TRIO: variants seen among roughly 807,000 people sequenced by gnomAD.
TRIO encodes triple functional domain protein.
A neutral mutation model predicts 351.9 loss-of-function variants in TRIO; 58 were observed. That is an observed-to-expected ratio of 0.16 (90% CI 0.13 to 0.21). TRIO has a LOEUF of 0.21. Among genes scored for constraint, TRIO ranks in the 10% least tolerant of loss-of-function variants. The pLI, the probability that TRIO is intolerant of heterozygous loss-of-function variation, is 1.00. For missense variants in TRIO, 3,201 were observed against 4,027.8 expected, an observed-to-expected ratio of 0.79 and a Z score of 5.56; for synonymous variants, 1,758 against 1,595.7, an observed-to-expected ratio of 1.10 and a Z score of -2.42.
intron 1 of TRIO, among the ~76,000 whole-genome samples, chr5:14,154,340 G>T (rs373279746): frequency 2.8e-4 from 43 of 152,282 alleles, no homozygotes; most frequent in African/African-American, 9.6e-4. Context: ...AACGGGGCCG[G>T]GGAGTGAGAG....
At chr5:14,454,713 G>A (rs1016465894) in intron 34 of TRIO, among the ~76,000 whole-genome samples, 2 of 152,236 alleles carry the variant, frequency 1.3e-5, no homozygotes, top group African/African-American at 4.8e-5. Flanking sequence ...CTAAGGTCAT[G>A]GTTGGCTTCC....
chr5:14,502,644 G>T lies in TRIO; in HGVS notation c.8398G>T (p.Ala2800Ser), dbSNP rs1757378858. 1.2e-6 allele frequency: 2 copies of T among 1,614,196 alleles called. No homozygotes were observed. Among genetic ancestry groups the T allele is most frequent in the East Asian group, 4.5e-5 (2 of 44,876 alleles). ...DNFDSFYSEV[A>S]ELGRGRFSVV... ...CTTTGACTCCTTCTACAGTGAAGTG[G>T]CTGAGCTTGGCAGGTATGATGCACA... The change falls in exon 54 of 57, where the codon GCT becomes TCT. Residue 2800 changes from alanine (A) to serine (S), a missense_variant. Physicochemically the swap from Ala to Ser is moderately conservative, Grantham distance 99. This residue lies in a region of TRIO where 1,089 missense variants were observed against 954.9 expected (regional missense o/e 1.14). Coordinates refer to ENST00000344204, the MANE Select transcript of TRIO (RefSeq NM_007118.4).
chr5:14,473,923 T>C, intron 39 of TRIO, 71 bp from the exon 40 acceptor site: 3 of 1,493,396 alleles, frequency 2.0e-6, no homozygotes. Flanking sequence ...TCTGTGACTA[T>C]TAATCAATAA....
intron 1 of TRIO, among the ~76,000 whole-genome samples, chr5:14,188,764 T>C (rs1235204814): frequency 6.6e-6 from 1 of 152,170 alleles, no homozygotes; most frequent in Non-Finnish European, 1.5e-5. Flanking sequence ...CCACTATAAT[T>C]CTTCATTAAT....
chr5:14,331,048 G>A, intron 10 of TRIO, 148 bp downstream of exon 10: 2 of 1,182,534 alleles, frequency 1.7e-6, no homozygotes, highest in South Asian at 1.7e-5. Flanking sequence ...TCAGAGTGAA[G>A]TTGTCATTGC....
Position 14,485,253 on chromosome 5 carries a change from T to C in TRIO, c.6835+7T>C. The C allele has an allele frequency of 6.4e-7, 1 of 1,573,468 alleles. No homozygotes were observed. Among genetic ancestry groups the C allele is most frequent in the Non-Finnish European group, 8.7e-7 (1 of 1,151,962 alleles). ...CAGCGCAATTTTTTAAATGGTAATG[T>C]GTGTTCTGTTACTAGATGTGTGCTT... is the stretch of plus-strand genomic sequence containing the variant. On this transcript the variant is annotated splice_region_variant and intron_variant, in intron 47 of 56. Transcript: ENST00000344204.
At position 14,472,944 on chromosome 5, in the gene TRIO, TACTA is replaced by T. The variant is rs150370305; in HGVS notation, c.5979+288_5979+291del. Among the ~76,000 whole-genome samples, 1,511 of 152,368 alleles carry T rather than the reference TACTA, an allele frequency of 9.9e-3. 18 individuals are homozygous for T. The highest frequency in any genetic ancestry group is 0.034 in the African/African-American group (1,429 of 41,594). On this transcript the variant is annotated intron_variant, in intron 39 of 56. Transcript: ENST00000344204. ...ATAATTTGATATTATTATTAAATGATACTAAGTAAGTATACTGTAGTTAGTAGAC... is the reference window on the plus strand; with the variant it reads ...ATAATTTGATATTATTATTAAATGATAGTAAGTATACTGTAGTTAGTAGAC...
intron 7 of TRIO, 85 bp downstream of exon 7, chr5:14,297,348 T>C (rs1737452571): frequency 1.4e-6 from 2 of 1,438,498 alleles, no homozygotes; most frequent in Admixed American, 2.1e-5. Flanking sequence ...CAAACACTCT[T>C]GTGTAGCACA....
At chr5:14,289,905 A>C (rs1736762021) in intron 4 of TRIO, among the ~76,000 whole-genome samples, 1 of 152,200 alleles carries the variant, frequency 6.6e-6, no homozygotes, top group African/African-American at 2.4e-5. Context: ...TAATTGACTA[A>C]AACTTTGTCA....
At chr5:14,484,485 A>G (rs1755770838) in intron 46 of TRIO, among the ~76,000 whole-genome samples, 1 of 152,220 alleles carries the variant, frequency 6.6e-6, no homozygotes, top group Admixed American at 6.5e-5. Flanking sequence ...AAAAAGCTTC[A>G]GATGTTTTCT....
At chr5:14,328,259 A>G (rs80065798) in intron 9 of TRIO, among the ~76,000 whole-genome samples, 2,665 of 152,372 alleles carry the variant, frequency 0.017, 28 homozygotes, top group Non-Finnish European at 0.027. Flanking sequence ...GTGCAAGTTA[A>G]AACAATGCAC....
chr5:14,433,608 A>C (rs1006989860), intron 34 of TRIO, among the ~76,000 whole-genome samples: 1 of 152,194 alleles, frequency 6.6e-6, no homozygotes, highest in East Asian at 1.9e-4. Flanking sequence ...ATGACATTTC[A>C]GGGGCCCAGC....
intron 1 of TRIO, among the ~76,000 whole-genome samples, chr5:14,270,073 G>A (rs1350559236): frequency 6.6e-6 from 1 of 152,180 alleles, no homozygotes; most frequent in East Asian, 1.9e-4. Flanking sequence ...GATATTTTTG[G>A]GCTGCAAGAA....
chr5:14,446,606 A>C (rs1051009588), intron 34 of TRIO, among the ~76,000 whole-genome samples: 1 of 152,102 alleles, frequency 6.6e-6, no homozygotes, highest in Non-Finnish European at 1.5e-5. Flanking sequence ...TGTGGGGTGC[A>C]TGCACCTGGG....
At chr5:14,235,664 A>G (rs1185149160) in intron 1 of TRIO, among the ~76,000 whole-genome samples, 1 of 152,106 alleles carries the variant, frequency 6.6e-6, no homozygotes, top group South Asian at 2.1e-4. Flanking sequence ...CACAGAATGG[A>G]ACTACGCTAG....
intron 48 of TRIO, chr5:14,488,512 C>G (rs894887169): frequency 1.8e-6 from 1 of 553,876 alleles, no homozygotes; most frequent in Admixed American, 3.5e-5. Flanking sequence ...CTTTTGGTTT[C>G]TTCCATTTCC....
intron 10 of TRIO, among the ~76,000 whole-genome samples, chr5:14,335,022 C>T (rs1027395928): frequency 2.0e-5 from 3 of 150,496 alleles, no homozygotes; most frequent in Non-Finnish European, 3.0e-5. Flanking sequence ...AGATCTGTCT[C>T]GTGTGTGTGT....
chr5:14,325,523 C>G (rs73059545), intron 9 of TRIO, among the ~76,000 whole-genome samples: 6,245 of 152,242 alleles, frequency 0.041, 436 homozygotes, highest in African/African-American at 0.14. Flanking sequence ...CTCACTCCCT[C>G]CCTTGAGGTG....
At chr5:14,275,882 ATGTTTATATATATG>A (rs1238730396) in intron 2 of TRIO, among the ~76,000 whole-genome samples, 167 of 145,356 alleles carry the variant, frequency 1.1e-3, no homozygotes, top group Middle Eastern at 7.2e-3. Flanking sequence ...ATATATATAT[ATGTTTATATATATG>A]TGTTTATATA....
Sources: allele counts gnomAD v4.1 joint callset (sites outside exome capture counted in the v4.1 genomes callset), GRCh38; gene constraint gnomAD v4.1.1; regional missense constraint gnomAD v4.1.1; transcripts MANE v1.5; gene names NCBI Gene and HGNC (gene_info 2026-07-23, HGNC 2026-07-21).